Variants in TRIM49 observed in about 807,000 individuals in gnomAD.
TRIM49 encodes tripartite motif containing 49.
TRIM49 carries 5 observed loss-of-function variants against 27.4 expected under a neutral mutation model. That is an observed-to-expected ratio of 0.18 (90% CI 0.10 to 0.38). TRIM49 has a LOEUF of 0.38. TRIM49 is among the 10% of genes least tolerant of loss of function. The pLI, the probability that TRIM49 is intolerant of heterozygous loss-of-function variation, is 1.00. For missense variants in TRIM49, 188 were observed against 487.5 expected, an observed-to-expected ratio of 0.39 and a Z score of 5.79; for synonymous variants, 69 against 166.0, an observed-to-expected ratio of 0.42 and a Z score of 4.49.
At chr11:89,794,092 T>G (rs545972322), downstream of TRIM49, among the ~76,000 whole-genome samples, 999 of 135,484 alleles carry the variant, frequency 7.4e-3, 14 homozygotes, top group African/African-American at 0.026. Context: ...TATACACCAG[T>G]AACAGAGAAA....
downstream of TRIM49, among the ~76,000 whole-genome samples, chr11:89,797,460 T>C (rs1009343753): frequency 1.4e-5 from 2 of 145,610 alleles, no homozygotes; most frequent in African/African-American, 5.2e-5. Context: ...AGGACTTCAA[T>C]CTATCTGGAA....
At chr11:89,804,023 C>T (rs776079745) in intron 3 of TRIM49, 36 bp downstream of exon 3, 3 of 1,610,896 alleles carry the variant, frequency 1.9e-6, no homozygotes, top group Non-Finnish European at 2.5e-6. Context: ...TTTTATGCTT[C>T]CTTTACAGAA....
chr11:89,770,468 GA>G, the TRIM49 span, among the ~76,000 whole-genome samples: 1 of 141,256 alleles, frequency 7.1e-6, no homozygotes, highest in Non-Finnish European at 1.5e-5. Flanking sequence ...GGAAAAAGCT[GA>G]AATAGATGAA....
the TRIM49 span, chr11:89,786,274 GC>G: frequency 2.0e-5 from 3 of 150,500 alleles, no homozygotes; most frequent in Non-Finnish European, 4.2e-5. Flanking sequence ...GGCTGGACCG[GC>G]CTTAATGTCG....
Position 89,803,781 on chromosome 11 carries a change from G to T in TRIM49, c.424C>A (p.Gln142Lys), listed in dbSNP as rs1002175993. 1.5e-5 allele frequency: 20 copies of T among 1,377,492 alleles called. No individual in the cohort carries two copies. Among genetic ancestry groups the T allele is most frequent in the Non-Finnish European group, 1.8e-5 (18 of 1,019,634 alleles). 85.3% of individuals were successfully genotyped at this position (1,377,492 alleles called of 1,614,324 possible). A position where few individuals can be genotyped will look rare whatever the true frequency, so the allele number is the denominator to read the frequency against. ...AAEEHREKLL[Q>K]KMQSLWEKAC... ...TTTTCCCACAAAGACTGCATTTTCT[G>T]TAAAAGCTTCTCCTGCAAAAGAGCC... Residue 142 changes from glutamine to lysine, a missense_variant, in exon 4 of 8, where the codon CAG becomes AAG. This residue lies in a region of TRIM49 where 21 missense variants were observed against 71.4 expected (regional missense o/e 0.29). Transcript: ENST00000329758.
At chr11:89,769,621 C>G in the TRIM49 span, among the ~76,000 whole-genome samples, 3 of 125,130 alleles carry the variant, frequency 2.4e-5, 1 homozygote, top group African/African-American at 8.3e-5. Flanking sequence ...GCAAAGGTCC[C>G]AGGAGCAGCA....
the TRIM49 span, among the ~76,000 whole-genome samples, chr11:89,777,615 CAT>C: frequency 3.5e-4 from 52 of 149,098 alleles, 2 homozygotes; most frequent in Non-Finnish European, 7.5e-4. Flanking sequence ...ATTGTTCAAA[CAT>C]ATAGAATGGA....
At chr11:89,770,717 T>A in the TRIM49 span, among the ~76,000 whole-genome samples, 1 of 135,406 alleles carries the variant, frequency 7.4e-6, no homozygotes, top group South Asian at 2.3e-4. Flanking sequence ...AAAAAAAAAA[T>A]TAGCTGGGCG....
At chr11:89,768,971 G>T in the TRIM49 span, 11 of 398,600 alleles carry the variant, frequency 2.8e-5, no homozygotes, top group Non-Finnish European at 3.9e-5. Flanking sequence ...CTGAGGTCAG[G>T]ATTTCCAGAC....
rs1242576253 is a variant in TRIM49 at position 89,808,428 on chromosome 11, T to A, written c.-191+9A>T. The A allele has an allele frequency of 2.0e-5, 3 of 150,142 alleles. No individual in the cohort carries two copies. Among genetic ancestry groups the A allele is most frequent in the African/African-American group, 7.5e-5 (3 of 39,896 alleles). The allele number at this position is 150,142 out of a possible 1,614,324, so 9.3% of individuals were successfully genotyped here. A position where few individuals can be genotyped will look rare whatever the true frequency, so the allele number is the denominator to read the frequency against. ...TCACATATGAATTAAGTGCAAAGACTTGACTTACCCAATTGTGGGAGCTGC... is the reference window on the plus strand; with the variant it reads ...TCACATATGAATTAAGTGCAAAGACATGACTTACCCAATTGTGGGAGCTGC... On this transcript the variant is annotated intron_variant, in intron 1 of 7. Coordinates refer to ENST00000329758, the MANE Select transcript of TRIM49 (RefSeq NM_020358.2).
chr11:89,773,538 G>A, the TRIM49 span, among the ~76,000 whole-genome samples: 1 of 126,056 alleles, frequency 7.9e-6, no homozygotes, highest in Admixed American at 7.3e-5. Context: ...CAGCACGGAT[G>A]TGTTGGTAAT....
At chr11:89,796,976 G>A (rs1949694540), downstream of TRIM49, among the ~76,000 whole-genome samples, 4 of 151,454 alleles carry the variant, frequency 2.6e-5, no homozygotes, top group South Asian at 8.3e-4. Flanking sequence ...TTCCCAAAAG[G>A]GATTTCCATT....
chr11:89,767,592 T>G, the TRIM49 span, among the ~76,000 whole-genome samples: 1 of 123,960 alleles, frequency 8.1e-6, no homozygotes, highest in South Asian at 2.4e-4. Flanking sequence ...CTGACTTTCA[T>G]GCCAGATTCA....
chr11:89,777,768 T>G, the TRIM49 span, among the ~76,000 whole-genome samples: 5 of 146,962 alleles, frequency 3.4e-5, no homozygotes, highest in Admixed American at 6.7e-5. Context: ...CACATCCAAA[T>G]TATTAGAATC....
chr11:89,795,880 T>C (rs1221198351), downstream of TRIM49, among the ~76,000 whole-genome samples: 4 of 140,546 alleles, frequency 2.8e-5, no homozygotes, highest in African/African-American at 1.2e-4. Flanking sequence ...GAACTTAAAG[T>C]ATAATGAAAA....
chr11:89,766,706 A>C, the TRIM49 span: 1 of 1,532,588 alleles, frequency 6.5e-7, no homozygotes, highest in Non-Finnish European at 8.8e-7. Flanking sequence ...TTCCACTTTC[A>C]AAATCAAGAA....
At chr11:89,770,613 A>G in the TRIM49 span, among the ~76,000 whole-genome samples, 43 of 140,874 alleles carry the variant, frequency 3.1e-4, 3 homozygotes, top group Non-Finnish European at 7.5e-5. Flanking sequence ...TAATCCCAGC[A>G]CTTTGGGAGG....
the TRIM49 span, among the ~76,000 whole-genome samples, chr11:89,769,237 T>G: frequency 7.6e-6 from 1 of 131,726 alleles, no homozygotes; most frequent in Non-Finnish European, 1.5e-5. Context: ...GCATCTGCTC[T>G]TTAGGTTTTG....
intron 6 of TRIM49, among the ~76,000 whole-genome samples, chr11:89,800,700 G>C (rs1385391807): frequency 1.3e-5 from 2 of 150,212 alleles, no homozygotes; most frequent in African/African-American, 5.0e-5. Flanking sequence ...CCGAGATGGC[G>C]CCATTGCACT....
Sources: allele counts gnomAD v4.1 joint callset (sites outside exome capture counted in the v4.1 genomes callset), GRCh38; gene constraint gnomAD v4.1.1; regional missense constraint gnomAD v4.1.1; transcripts MANE v1.5; gene names NCBI Gene and HGNC (gene_info 2026-07-23, HGNC 2026-07-21).